DGKI: variants seen among roughly 807,000 people sequenced by gnomAD.
DGKI encodes the protein DAG kinase iota.
In DGKI, 55 loss-of-function variants were observed where a neutral mutation model predicts 147.5. The ratio of observed to expected loss-of-function variants is 0.37; its 90% CI spans 0.30 to 0.47. The LOEUF is 0.47. DGKI is among the 20% of genes least tolerant of loss of function. The pLI is 1.00. For missense variants in DGKI, 1,007 were observed against 1,323.8 expected (o/e 0.76, Z 3.71); for synonymous variants, 469 against 477.1 (o/e 0.98, Z 0.22).
chr7:137,688,296 C>T (rs1011597321), intron 2 of DGKI, among the ~76,000 whole-genome samples: 4 of 152,106 alleles, frequency 2.6e-5, no homozygotes, highest in African/African-American at 9.7e-5. Flanking sequence ...AGCAGGAACT[C>T]AACAAATGTT....
At chr7:137,630,170 A>T (rs561168101) in intron 6 of DGKI, among the ~76,000 whole-genome samples, 65 of 152,268 alleles carry the variant, frequency 4.3e-4, no homozygotes, top group Admixed American at 2.1e-3. Context: ...GGATTTAATT[A>T]CAATATCTTT....
chr7:137,691,096 A>T (rs1471579292), intron 1 of DGKI, among the ~76,000 whole-genome samples: 1 of 152,066 alleles, frequency 6.6e-6, no homozygotes, highest in East Asian at 1.9e-4. Flanking sequence ...TGATGCTGCA[A>T]CTCTGAGTCC....
At chr7:137,647,149 C>A (rs187242382) in intron 5 of DGKI, among the ~76,000 whole-genome samples, 27 of 152,164 alleles carry the variant, frequency 1.8e-4, no homozygotes, top group Admixed American at 1.0e-3. Context: ...GTGAGCCATG[C>A]GCTTTAAAAA....
rs535745903 is a variant in DGKI at position 137,611,801 on chromosome 7, C to T, written c.994-2192G>A. On this transcript the variant is annotated intron_variant, in intron 8 of 32. Coordinates refer to ENST00000614521, the MANE Select transcript of DGKI (RefSeq NM_001321708.2). ...AAATTCCTGGCACATAGTGTACACT[C>T]GAATCATTGTTGAAATAATGAACAA... 3.3e-5 allele frequency among the ~76,000 whole-genome samples: 5 copies of T among 152,224 alleles called. No individual in the cohort carries two copies. In the South Asian group the frequency reaches 8.3e-4, roughly 25 times the overall value.
intron 1 of DGKI, chr7:137,843,417 T>TC: frequency 2.0e-6 from 2 of 985,304 alleles, no homozygotes; most frequent in Non-Finnish European, 2.4e-6. Flanking sequence ...TTTCAAACCT[T>TC]CAGCTTTACA....
chr7:137,462,124 C>T (rs948845926), intron 27 of DGKI, among the ~76,000 whole-genome samples: 1 of 152,032 alleles, frequency 6.6e-6, no homozygotes, highest in Non-Finnish European at 1.5e-5. Flanking sequence ...AACTAAAATA[C>T]TCATTGGTTT....
chr7:137,541,982 T>G (rs1218427984), intron 20 of DGKI, among the ~76,000 whole-genome samples: 1 of 152,076 alleles, frequency 6.6e-6, no homozygotes, highest in East Asian at 1.9e-4. Context: ...TGGGAGAGAA[T>G]GTCTGCAAAG....
chr7:137,762,716 C>T (rs1400248791), intron 1 of DGKI, among the ~76,000 whole-genome samples: 6 of 152,204 alleles, frequency 3.9e-5, no homozygotes, highest in African/African-American at 1.4e-4. Context: ...AGCCCTTACC[C>T]ACCTCAAGCT....
chr7:137,440,591 C>T (rs554018632), intron 28 of DGKI, among the ~76,000 whole-genome samples: 1 of 152,308 alleles, frequency 6.6e-6, no homozygotes, highest in Admixed American at 6.5e-5. Flanking sequence ...AACTCTCTCA[C>T]CTACTAGCTA....
intron 1 of DGKI, among the ~76,000 whole-genome samples, chr7:137,814,822 T>C (rs182248775): frequency 6.6e-6 from 1 of 152,322 alleles, no homozygotes; most frequent in East Asian, 1.9e-4. Flanking sequence ...AAACCATGTA[T>C]GTATATCACG....
intron 10 of DGKI, among the ~76,000 whole-genome samples, chr7:137,608,464 C>A (rs1315434615): frequency 6.6e-6 from 1 of 152,056 alleles, no homozygotes; most frequent in African/African-American, 2.4e-5. Flanking sequence ...GGGCTAGGAC[C>A]AAGTGAAACC....
At chr7:137,835,995 T>C (rs1310320763) in intron 1 of DGKI, among the ~76,000 whole-genome samples, 1 of 152,208 alleles carries the variant, frequency 6.6e-6, no homozygotes, top group East Asian at 1.9e-4. Flanking sequence ...TTGCCTAAGA[T>C]TGTTTTGTGA....
At chr7:137,414,675 C>T (rs897405042) in intron 28 of DGKI, among the ~76,000 whole-genome samples, 2 of 152,120 alleles carry the variant, frequency 1.3e-5, no homozygotes, top group East Asian at 3.9e-4. Context: ...CCTGTGTGAG[C>T]CTGTGTCCAG....
chr7:137,661,569 C>G (rs1822434417), intron 3 of DGKI, among the ~76,000 whole-genome samples: 1 of 152,172 alleles, frequency 6.6e-6, no homozygotes, highest in Admixed American at 6.5e-5. Flanking sequence ...TGCCTCCCAG[C>G]TTTCTCCCCC....
chr7:137,638,723 T>C (rs28477975), intron 6 of DGKI, among the ~76,000 whole-genome samples: 1,887 of 147,400 alleles, frequency 0.013, 69 homozygotes, highest in African/African-American at 0.044. Context: ...TATACATATA[T>C]ACACATTACA....
intron 32 of DGKI, among the ~76,000 whole-genome samples, chr7:137,394,287 G>A (rs574444335): frequency 1.3e-5 from 2 of 152,276 alleles, no homozygotes; most frequent in East Asian, 3.9e-4. Context: ...TTGTGTGTGT[G>A]TGTGATTTTT....
chr7:137,604,563 C>T (rs539929197), intron 10 of DGKI, among the ~76,000 whole-genome samples: 10 of 152,228 alleles, frequency 6.6e-5, no homozygotes, highest in Middle Eastern at 6.8e-3. Flanking sequence ...CCTCGATCAC[C>T]CTACTGATAA....
rs530560483 is a variant in DGKI, at chr7:137,625,906, T to C, written c.805-2352A>G. Among the ~76,000 whole-genome samples the C allele has an allele frequency of 3.9e-5, 6 of 152,268 alleles. No individual in the cohort carries two copies. In the South Asian group the frequency reaches 8.3e-4, roughly 21 times the overall value. On this transcript the variant is annotated intron_variant, in intron 6 of 32. Transcript: ENST00000614521. ...CTTGTAAGCTGTTCTGTTTAGGCAG[T>C]TGCAACTCTTATGTGATTATGTGAA...
intron 3 of DGKI, among the ~76,000 whole-genome samples, chr7:137,659,841 G>A (rs1822359566): frequency 6.6e-6 from 1 of 152,166 alleles, no homozygotes; most frequent in Non-Finnish European, 1.5e-5. Flanking sequence ...GCTGAGGCAG[G>A]AGAACGGCGT....
Sources: allele counts gnomAD v4.1 joint callset (sites outside exome capture counted in the v4.1 genomes callset), GRCh38; gene constraint gnomAD v4.1.1; transcripts MANE v1.5; gene names NCBI Gene and HGNC (gene_info 2026-07-23, HGNC 2026-07-21).